Variants in CAB39 observed in about 807,000 individuals in gnomAD.
The protein encoded by CAB39 is calcium binding protein 39, also known as calcium-binding protein 39.
A neutral mutation model predicts 40.0 loss-of-function variants in CAB39; 8 were observed. The ratio of observed to expected loss-of-function variants is 0.20; its 90% confidence interval spans 0.12 to 0.36. The LOEUF is 0.36. Ranked by LOEUF, CAB39 falls within the 10% of genes least tolerant of loss-of-function variation. The pLI, the probability that CAB39 is intolerant of heterozygous loss-of-function variation, is 1.00. For missense variants in CAB39, 270 were observed against 401.1 expected (o/e 0.67, Z 2.79); for synonymous variants, 156 against 141.6 (o/e 1.10, Z -0.72).
chr2:230,807,409 C>A (rs1232667273), intron 5 of CAB39, among the ~76,000 whole-genome samples: 3 of 145,086 alleles, frequency 2.1e-5, no homozygotes, highest in Non-Finnish European at 4.6e-5. Context: ...TAGTGTTTTA[C>A]CCCCCCAACC....
At chr2:230,782,862 C>A (rs1212941592) in intron 2 of CAB39, among the ~76,000 whole-genome samples, 1 of 141,120 alleles carries the variant, frequency 7.1e-6, no homozygotes, top group Non-Finnish European at 1.5e-5. Flanking sequence ...TCTCTGTCGC[C>A]CAGGCTGGAG....
At chr2:230,805,957 G>A (rs1696186240) in intron 5 of CAB39, among the ~76,000 whole-genome samples, 1 of 152,156 alleles carries the variant, frequency 6.6e-6, no homozygotes. Flanking sequence ...AGCCAGGAAG[G>A]GAAGGACAGC....
intron 8 of CAB39, 48 bp downstream of exon 8, chr2:230,817,945 C>A: frequency 6.5e-7 from 1 of 1,528,538 alleles, no homozygotes; most frequent in Non-Finnish European, 8.8e-7. Context: ...AATTGTTCGT[C>A]GTCTTTCATT....
intron 1 of CAB39, among the ~76,000 whole-genome samples, chr2:230,720,671 C>CG (rs1336323647): frequency 2.6e-5 from 4 of 152,160 alleles, no homozygotes; most frequent in African/African-American, 9.7e-5. Context: ...CCGCCCACCT[C>CG]GGCCTCCCAA....
Position 230,817,778 on chromosome 2 carries a change from A to G in CAB39, c.718A>G (p.Arg240Gly), listed in dbSNP as rs1226847477. The change falls in exon 8 of 9, where the codon AGA becomes GGA. Residue 240 changes from arginine (R) to glycine (G), a missense_variant. Physicochemically the swap from Arg to Gly is moderately radical, Grantham distance 125 (BLOSUM62 -2). Transcript: ENST00000258418. ...LKLLGELLLD[R>G]HNFTIMTKYI... ...GCTTCTCGGTGAACTACTACTAGAT[A>G]GACACAACTTCACAATTATGACAAA... 1.2e-6 allele frequency: 2 copies of G among 1,609,340 alleles called. No homozygotes were observed. Among genetic ancestry groups the G allele is most frequent in the African/African-American group, 2.7e-5 (2 of 74,542 alleles).
intron 5 of CAB39, among the ~76,000 whole-genome samples, chr2:230,799,991 CAA>C (rs60654900): frequency 3.0e-5 from 4 of 133,548 alleles, no homozygotes; most frequent in Admixed American, 7.5e-5. Context: ...AACTCCATCT[CAA>C]AAAAAAAAAA....
chr2:230,781,068 T>G (rs1007530684), intron 2 of CAB39, among the ~76,000 whole-genome samples: 2 of 148,076 alleles, frequency 1.4e-5, no homozygotes, highest in Non-Finnish European at 3.0e-5. Flanking sequence ...GCAACAGAGC[T>G]GGACCTGATC....
chr2:230,795,019 G>GTAA (rs1695957445), intron 4 of CAB39, among the ~76,000 whole-genome samples: 1 of 152,206 alleles, frequency 6.6e-6, no homozygotes, highest in Admixed American at 6.5e-5. Context: ...GCTCACGCCT[G>GTAA]TAATACCAGC....
At position 230,810,291 on chromosome 2, in the gene CAB39, G is replaced by A; in HGVS notation, c.596G>A (p.Ser199Asn). Reference sequence around the variant, plus strand: ...TTACTTACAAGACATAAATTGCTCAGTGCAGAATTTTTGGAACAGCATTAT... The same window carrying A: ...TTACTTACAAGACATAAATTGCTCAATGCAGAATTTTTGGAACAGCATTAT... The part of the protein sequence containing the change: ...KDLLTRHKLL[S>N]AEFLEQHYDR... Residue 199 changes from serine to asparagine, a missense_variant, in exon 6 of 9, where the codon AGT becomes AAT. Physicochemically the swap from Ser to Asn is conservative, Grantham distance 46. Transcript: ENST00000258418. The A allele has an allele frequency of 6.9e-7, 1 of 1,443,124 alleles. No individual in the cohort carries two copies. The highest frequency in any genetic ancestry group is 9.5e-7 in the Non-Finnish European group (1 of 1,051,822). The allele number at this position is 1,443,124 out of a possible 1,614,324, so 89.4% of individuals were successfully genotyped here. A position where few individuals can be genotyped will look rare whatever the true frequency, so the allele number is the denominator to read the frequency against.
In CAB39 at chr2:230,817,824, A is replaced by C; in HGVS notation, c.764A>C (p.Asn255Thr). The change falls in exon 8 of 9, where the codon AAC becomes ACC. Residue 255 changes from asparagine (N) to threonine (T), a missense_variant. Transcript: ENST00000258418. ...ACAAAATACATCAGTAAACCTGAGA[A>C]CCTCAAATTAATGATGAACCTGCTG... The part of the protein sequence containing the change: ...IMTKYISKPE[N>T]LKLMMNLLRD... 1 of 1,613,080 alleles carries C rather than the reference A, an allele frequency of 6.2e-7. No individual in the cohort carries two copies. The highest frequency in any genetic ancestry group is 8.5e-7 in the Non-Finnish European group (1 of 1,179,330).
chr2:230,768,010 C>T (rs923749524), intron 2 of CAB39, among the ~76,000 whole-genome samples: 3 of 152,134 alleles, frequency 2.0e-5, no homozygotes, highest in African/African-American at 7.2e-5. Context: ...GTGCACTATA[C>T]GTAATGATAT....
chr2:230,717,275 T>A (rs946913386), intron 1 of CAB39, among the ~76,000 whole-genome samples: 2 of 152,220 alleles, frequency 1.3e-5, no homozygotes, highest in East Asian at 3.8e-4. Flanking sequence ...GGCATTATTA[T>A]GAAGTCAGGT....
At chr2:230,794,054 T>A (rs62193641) in intron 4 of CAB39, among the ~76,000 whole-genome samples, 15,829 of 152,204 alleles carry the variant, frequency 0.1, 1,126 homozygotes, top group Middle Eastern at 0.16. Context: ...ATGGTGTGCA[T>A]CTGTTTGTCC....
At chr2:230,758,629 C>T (rs1695236633) in intron 1 of CAB39, among the ~76,000 whole-genome samples, 1 of 151,980 alleles carries the variant, frequency 6.6e-6, no homozygotes, top group Non-Finnish European at 1.5e-5. Context: ...AGGTAAAGCT[C>T]AAAAGAAGTG....
chr2:230,722,044 C>G (rs185170410), intron 1 of CAB39, among the ~76,000 whole-genome samples: 49 of 149,280 alleles, frequency 3.3e-4, no homozygotes, highest in African/African-American at 1.5e-4. Flanking sequence ...TTTCACCAAG[C>G]CTTTTTTTTT....
chr2:230,781,294 T>C (rs909562198), intron 2 of CAB39, among the ~76,000 whole-genome samples: 11 of 152,048 alleles, frequency 7.2e-5, no homozygotes, highest in African/African-American at 2.7e-4. Context: ...TAATGGCTCT[T>C]GAGGAAAGTG....
At chr2:230,730,413 G>A (rs571944158) in intron 1 of CAB39, among the ~76,000 whole-genome samples, 1 of 151,414 alleles carries the variant, frequency 6.6e-6, no homozygotes, top group Non-Finnish European at 1.5e-5. Flanking sequence ...TTGGGAGAAT[G>A]ACTAAAAACT....
At chr2:230,800,088 A>G (rs943690195) in intron 5 of CAB39, among the ~76,000 whole-genome samples, 3 of 152,142 alleles carry the variant, frequency 2.0e-5, no homozygotes, top group African/African-American at 4.8e-5. Flanking sequence ...GCAGACGACC[A>G]TGCTCAGAAA....
At chr2:230,726,646 ATG>A (rs1165679556) in intron 1 of CAB39, among the ~76,000 whole-genome samples, 2 of 152,150 alleles carry the variant, frequency 1.3e-5, no homozygotes, top group East Asian at 3.9e-4. Flanking sequence ...ATCTTCCTGT[ATG>A]TAAACAGCAA....
Sources: allele counts gnomAD v4.1 joint callset (sites outside exome capture counted in the v4.1 genomes callset), GRCh38; gene constraint gnomAD v4.1.1; transcripts MANE v1.5; gene names NCBI Gene and HGNC (gene_info 2026-07-23, HGNC 2026-07-21).